The following LHFPL6 variants were observed in gnomAD, a reference collection of about 807,000 sequenced individuals.
LHFPL6 encodes LHFPL tetraspan subfamily member 6 protein.
In LHFPL6, 9 loss-of-function variants were observed where a neutral mutation model predicts 20.6. The observed-to-expected ratio is 0.44, with a 90% CI of 0.26 to 0.76. LHFPL6 has a LOEUF of 0.76. LHFPL6 is among the 30% of genes least tolerant of loss of function. The pLI, the probability that LHFPL6 is intolerant of heterozygous loss-of-function variation, is 0.20. For synonymous variants in LHFPL6, 105 were observed against 98.7 expected (o/e 1.06, Z -0.38); for missense variants, 218 against 253.5 (o/e 0.86, Z 0.95).
chr13:39,445,782 T>A (rs1328056082), intron 2 of LHFPL6, among the ~76,000 whole-genome samples: 1 of 152,218 alleles, frequency 6.6e-6, no homozygotes, highest in African/African-American at 2.4e-5. Context: ...CAAGTAGACA[T>A]CCTACCTTAG....
intron 2 of LHFPL6, among the ~76,000 whole-genome samples, chr13:39,494,736 T>G (rs1009053858): frequency 6.6e-6 from 1 of 152,230 alleles, no homozygotes; most frequent in African/African-American, 2.4e-5. Flanking sequence ...TTAAGCTCTA[T>G]AGTCATTTAA....
chr13:39,447,285 T>C (rs1872315664), intron 2 of LHFPL6, among the ~76,000 whole-genome samples: 1 of 152,194 alleles, frequency 6.6e-6, no homozygotes, highest in African/African-American at 2.4e-5. Flanking sequence ...CCCAAATAGA[T>C]GAAATTATAA....
Position 39,433,136 on chromosome 13 carries a change from T to C in LHFPL6, c.386-54610A>G, listed in dbSNP as rs552486175. ...GAACTAAGCTGGCCAGCTAAGCTCT[T>C]CTACCTCTAAATTGTTATAAGGCTC... is the stretch of plus-strand genomic sequence containing the variant. On this transcript the variant is annotated intron_variant, in intron 2 of 3. Coordinates refer to ENST00000379589, the MANE Select transcript of LHFPL6 (RefSeq NM_005780.3). Among the ~76,000 whole-genome samples the C allele has an allele frequency of 1.2e-3, 188 of 152,304 alleles. 6 individuals are homozygous for C. In the South Asian group the frequency reaches 0.037, roughly 30 times the overall value.
In LHFPL6 at chr13:39,436,314, G is replaced by A. The variant is rs148851473; in HGVS notation, c.386-57788C>T. ...ATGTCAACTATATCAGTAAAGTTGT[G>A]AAATTATGAGTAATATAATTTTTAT... On this transcript the variant is annotated intron_variant, in intron 2 of 3. Transcript: ENST00000379589. 5.6e-3 allele frequency among the ~76,000 whole-genome samples: 856 copies of A among 152,246 alleles called. 36 individuals carry two copies. The highest frequency in any genetic ancestry group is 0.047 in the Admixed American group (726 of 15,300).
intron 2 of LHFPL6, among the ~76,000 whole-genome samples, chr13:39,415,681 T>C (rs951851769): frequency 1.3e-5 from 2 of 152,106 alleles, no homozygotes; most frequent in South Asian, 2.1e-4. Flanking sequence ...GTCTGGCTCA[T>C]AGTTTTGCAG....
At chr13:39,465,654 C>A (rs771517127) in intron 2 of LHFPL6, among the ~76,000 whole-genome samples, 2 of 152,072 alleles carry the variant, frequency 1.3e-5, no homozygotes, top group Non-Finnish European at 2.9e-5. Context: ...ACTTAATCAT[C>A]TTGTCTGAAA....
intron 2 of LHFPL6, among the ~76,000 whole-genome samples, chr13:39,496,746 C>G (rs1927196): frequency 0.31 from 47,443 of 152,086 alleles, 7,860 homozygotes; most frequent in Middle Eastern, 0.42. Context: ...CTAATTACAT[C>G]TCATTTTAGA....
chr13:39,590,873 G>C (rs893875060), intron 2 of LHFPL6, among the ~76,000 whole-genome samples: 2 of 152,186 alleles, frequency 1.3e-5, no homozygotes, highest in African/African-American at 2.4e-5. Context: ...CAGTCTGTTA[G>C]TGAGGTTAAC....
intron 2 of LHFPL6, among the ~76,000 whole-genome samples, chr13:39,494,001 G>T (rs1413271232): frequency 6.6e-6 from 1 of 152,168 alleles, no homozygotes; most frequent in Non-Finnish European, 1.5e-5. Flanking sequence ...TTAAACCTCA[G>T]ACCATAGTCA....
chr13:39,521,328 G>C (rs1349298484), intron 2 of LHFPL6, among the ~76,000 whole-genome samples: 1 of 152,174 alleles, frequency 6.6e-6, no homozygotes, highest in East Asian at 1.9e-4. Flanking sequence ...ATCTTAGCAA[G>C]CAGAACTTCA....
At chr13:39,583,382 C>T (rs142353576) in intron 2 of LHFPL6, among the ~76,000 whole-genome samples, 1 of 151,770 alleles carries the variant, frequency 6.6e-6, no homozygotes, top group Admixed American at 6.6e-5. Flanking sequence ...GCCATGTTGC[C>T]CAGGCTGGTC....
chr13:39,512,097 G>T (rs1465747594), intron 2 of LHFPL6, among the ~76,000 whole-genome samples: 2 of 152,158 alleles, frequency 1.3e-5, no homozygotes, highest in African/African-American at 4.8e-5. Flanking sequence ...GTAATTTAAA[G>T]ACTTTTAAGG....
At chr13:39,459,322 T>C (rs183046049) in intron 2 of LHFPL6, among the ~76,000 whole-genome samples, 20 of 152,116 alleles carry the variant, frequency 1.3e-4, no homozygotes, top group African/African-American at 4.6e-4. Flanking sequence ...TTCTTTACTC[T>C]TTCCTGTTTT....
chr13:39,565,947 A>C (rs1389549988), intron 2 of LHFPL6, among the ~76,000 whole-genome samples: 1 of 152,208 alleles, frequency 6.6e-6, no homozygotes. Context: ...AAAGAGACCA[A>C]ATCAACAGAA....
rs536705499 is a variant in LHFPL6, at chr13:39,522,382, C to T, written c.385+78450G>A. ...TAGTCTGGCTCCAGAGTCCATGCTC[C>T]TAACCAGTACACTGTTGTTAGCATG... On this transcript the variant is annotated intron_variant, in intron 2 of 3. Coordinates refer to ENST00000379589, the MANE Select transcript of LHFPL6 (RefSeq NM_005780.3). 3.2e-4 allele frequency among the ~76,000 whole-genome samples: 49 copies of T among 152,332 alleles called. No homozygotes were observed. The South Asian group carries it at 9.1e-3, about 28-fold the overall frequency.
intron 2 of LHFPL6, among the ~76,000 whole-genome samples, chr13:39,547,519 T>G (rs1411255762): frequency 6.6e-6 from 1 of 152,094 alleles, no homozygotes; most frequent in Non-Finnish European, 1.5e-5. Flanking sequence ...TGGTCTTAAA[T>G]TCATGATTAT....
intron 2 of LHFPL6, among the ~76,000 whole-genome samples, chr13:39,487,916 T>C (rs1473852821): frequency 6.6e-6 from 1 of 152,230 alleles, no homozygotes; most frequent in Non-Finnish European, 1.5e-5. Context: ...ATGGTGGTTC[T>C]CTAATTGCTT....
intron 2 of LHFPL6, among the ~76,000 whole-genome samples, chr13:39,439,676 T>A (rs572581187): frequency 5.9e-5 from 9 of 152,258 alleles, no homozygotes; most frequent in South Asian, 2.1e-4. Flanking sequence ...TTTAACACCA[T>A]CCCCGTTGGT....
intron 2 of LHFPL6, among the ~76,000 whole-genome samples, chr13:39,515,863 G>T (rs1183806846): frequency 1.3e-5 from 2 of 151,974 alleles, no homozygotes; most frequent in African/African-American, 4.8e-5. Context: ...CATTAAAAAA[G>T]AAAATTACTA....
Sources: allele counts gnomAD v4.1 joint callset (sites outside exome capture counted in the v4.1 genomes callset), GRCh38; gene constraint gnomAD v4.1.1; transcripts MANE v1.5; gene names NCBI Gene and HGNC (gene_info 2026-07-23, HGNC 2026-07-21).